DENND2C: variants seen among roughly 807,000 people sequenced by gnomAD.
DENND2C encodes DENN domain-containing protein 2C.
A neutral mutation model predicts 112.4 loss-of-function variants in DENND2C; 72 were observed. The ratio of observed to expected loss-of-function variants is 0.64; its 90% CI spans 0.53 to 0.78. The LOEUF (loss-of-function observed/expected upper bound fraction) is 0.78. Among genes scored for constraint, DENND2C ranks in the 30% least tolerant of loss-of-function variants. DENND2C has a pLI of 0.00. For synonymous variants in DENND2C, 329 were observed against 381.6 expected (o/e 0.86, Z 1.61); for missense variants, 992 against 1,113.8 (o/e 0.89, Z 1.56).
chr1:114,583,335 A>G lies in DENND2C; in HGVS notation c.*2265T>C, dbSNP rs1263675015. 1 of 151,280 alleles carries G rather than the reference A, an allele frequency of 6.6e-6. No individual in the cohort carries two copies. The highest frequency in any genetic ancestry group is 1.5e-5 in the Non-Finnish European group (1 of 67,522). 9.4% of individuals were successfully genotyped at this position (151,280 alleles called of 1,614,324 possible). On this transcript the variant is annotated 3_prime_UTR_variant, in exon 21 of 21. Coordinates refer to ENST00000393274, the MANE Select transcript of DENND2C (RefSeq NM_001256404.2). ...AATACTGTACAAGTCAATAAACTGT[A>G]TCACAATACAACTTACACAGTTTTG... is the stretch of plus-strand genomic sequence containing the variant.
chr1:114,663,953 T>TC (rs2101701032), intron 1 of DENND2C, among the ~76,000 whole-genome samples: 1 of 145,560 alleles, frequency 6.9e-6, no homozygotes, highest in East Asian at 2.0e-4. Context: ...CTGCTATTCT[T>TC]TTTTTTTTTT....
chr1:114,624,795 AT>A, intron 4 of DENND2C, among the ~76,000 whole-genome samples: 1 of 151,534 alleles, frequency 6.6e-6, no homozygotes, highest in East Asian at 1.9e-4. Context: ...CTAATTTTGT[AT>A]TTTTAGTAGA....
chr1:114,629,452 T>C (rs1029012100), intron 3 of DENND2C, among the ~76,000 whole-genome samples: 3 of 152,130 alleles, frequency 2.0e-5, no homozygotes, highest in East Asian at 1.9e-4. Flanking sequence ...TAGTTTTTTA[T>C]GTTTTTAGTA....
intron 16 of DENND2C, among the ~76,000 whole-genome samples, chr1:114,598,016 T>A (rs1655391203): frequency 6.6e-6 from 1 of 152,208 alleles, no homozygotes; most frequent in African/African-American, 2.4e-5. Context: ...GGAACTCTCA[T>A]ACACTGTTGA....
intron 1 of DENND2C, among the ~76,000 whole-genome samples, chr1:114,664,938 CA>C (rs111487185): frequency 0.88 from 132,013 of 150,864 alleles, 58,254 homozygotes; most frequent in African/African-American, 0.96. Flanking sequence ...ACCAAAAATA[CA>C]AAAAATTACC....
chr1:114,656,689 C>A (rs901886135), intron 1 of DENND2C, among the ~76,000 whole-genome samples: 1 of 152,032 alleles, frequency 6.6e-6, no homozygotes, highest in Non-Finnish European at 1.5e-5. Context: ...AGCCGCCGCA[C>A]CCGGCCTAAA....
At chr1:114,612,842 G>C (rs937729340) in intron 8 of DENND2C, among the ~76,000 whole-genome samples, 1 of 151,696 alleles carries the variant, frequency 6.6e-6, no homozygotes, top group Non-Finnish European at 1.5e-5. Flanking sequence ...TGTATTTTTT[G>C]TAGAGACGGG....
At chr1:114,600,471 T>C in intron 14 of DENND2C, 119 bp from the exon 15 acceptor site, 1 of 1,308,748 alleles carries the variant, frequency 7.6e-7, no homozygotes, top group Non-Finnish European at 1.1e-6. Context: ...CTACACGGGG[T>C]CTGTGAAGCT....
At position 114,600,978 on chromosome 1, in the gene DENND2C, T is replaced by G; in HGVS notation, c.1816-18A>C. The G allele has an allele frequency of 6.2e-7, 1 of 1,604,958 alleles. No individual in the cohort carries two copies. Among genetic ancestry groups the G allele is most frequent in the Non-Finnish European group, 8.5e-7 (1 of 1,175,326 alleles). ...TCCAGAATCTATATACGCAAAGTGT[T>G]ATTTTATTATGGACTAAGTTAAAAA... On this transcript the variant is annotated intron_variant, in intron 13 of 20. Coordinates refer to ENST00000393274, the MANE Select transcript of DENND2C (RefSeq NM_001256404.2).
chr1:114,628,153 A>T (rs1656396273), intron 3 of DENND2C, among the ~76,000 whole-genome samples: 1 of 150,992 alleles, frequency 6.6e-6, no homozygotes, highest in Non-Finnish European at 1.5e-5. Context: ...TAAATAAATA[A>T]ATAAATAAAT....
In DENND2C at chr1:114,594,482, A is replaced by C; in HGVS notation, c.2422T>G (p.Phe808Val). 2 of 1,613,920 alleles carry C rather than the reference A, an allele frequency of 1.2e-6. No homozygotes were observed. Among genetic ancestry groups the C allele is most frequent in the African/African-American group, 2.7e-5 (2 of 75,030 alleles). Reference protein sequence around the residue: ...RNEILTQEQNFSQDVTLNSLV... With the variant: ...RNEILTQEQNVSQDVTLNSLV... Reference sequence around the variant, plus strand: ...CTCACTTGTCTCATACCTTGTGAAAAATTCTGCTCCTGAGTCAAGATTTCA... The same window carrying C: ...CTCACTTGTCTCATACCTTGTGAAACATTCTGCTCCTGAGTCAAGATTTCA... Residue 808 changes from phenylalanine (F) to valine (V), a missense_variant, in exon 18 of 21, where the codon TTT becomes GTT. Physicochemically the swap from Phe to Val is conservative, Grantham distance 50 (BLOSUM62 -1). This residue lies in a region of DENND2C where 516 missense variants were observed against 623.6 expected (regional missense o/e 0.83). Transcript: ENST00000393274.
At chr1:114,634,049 G>C (rs1241600709) in intron 3 of DENND2C, among the ~76,000 whole-genome samples, 1 of 152,126 alleles carries the variant, frequency 6.6e-6, no homozygotes, top group East Asian at 1.9e-4. Context: ...TTACAAAGAA[G>C]GTAATAGGTG....
intron 1 of DENND2C, among the ~76,000 whole-genome samples, chr1:114,669,445 C>G (rs2101705773): frequency 1.3e-5 from 2 of 152,260 alleles, no homozygotes; most frequent in Middle Eastern, 6.8e-3. Context: ...CTCAAAAGCT[C>G]TTAGGTGTTC....
At chr1:114,653,432 T>C (rs1657223793) in intron 2 of DENND2C, among the ~76,000 whole-genome samples, 1 of 152,094 alleles carries the variant, frequency 6.6e-6, no homozygotes, top group Non-Finnish European at 1.5e-5. Flanking sequence ...TTTTATACTA[T>C]TAATATCAAA....
At chr1:114,623,437 C>A in intron 5 of DENND2C, 70 bp downstream of exon 5, 1 of 1,457,346 alleles carries the variant, frequency 6.9e-7, no homozygotes. Context: ...GAAGAAAATA[C>A]CATCCTACAA....
At chr1:114,588,310 ACCT>A (rs1310703422) in intron 18 of DENND2C, among the ~76,000 whole-genome samples, 1 of 151,932 alleles carries the variant, frequency 6.6e-6, no homozygotes, top group Non-Finnish European at 1.5e-5. Flanking sequence ...TGTGCTAACT[ACCT>A]CCTCATTTCT....
intron 7 of DENND2C, among the ~76,000 whole-genome samples, chr1:114,619,998 C>T (rs115935146): frequency 6.6e-6 from 1 of 152,198 alleles, no homozygotes; most frequent in African/African-American, 2.4e-5. Flanking sequence ...GAAATGTACT[C>T]TAGCAAACAA....
intron 12 of DENND2C, among the ~76,000 whole-genome samples, chr1:114,601,854 T>G (rs1032582065): frequency 6.6e-6 from 1 of 152,194 alleles, no homozygotes; most frequent in Non-Finnish European, 1.5e-5. Context: ...TGTACTCTAT[T>G]TCAAATATAT....
At chr1:114,588,651 T>C (rs375945340) in intron 18 of DENND2C, 1 of 152,248 alleles carries the variant, frequency 6.6e-6, no homozygotes, top group East Asian at 1.9e-4. Context: ...TTTTTGGAAC[T>C]TGGACTATGA....
Sources: allele counts gnomAD v4.1 joint callset (sites outside exome capture counted in the v4.1 genomes callset), GRCh38; gene constraint gnomAD v4.1.1; regional missense constraint gnomAD v4.1.1; transcripts MANE v1.5; gene names NCBI Gene and HGNC (gene_info 2026-07-23, HGNC 2026-07-21).